BCR: variants seen among roughly 807,000 people sequenced by gnomAD.
BCR encodes breakpoint cluster region protein.
BCR carries 58 observed loss-of-function variants against 138.6 expected under a neutral mutation model. That is an observed-to-expected ratio of 0.42 (90% CI 0.34 to 0.52). The LOEUF is 0.52. Ranked by LOEUF, BCR falls within the 20% of genes least tolerant of loss-of-function variation. The pLI is 0.06. For missense variants in BCR, 1,599 were observed against 1,727.2 expected (o/e 0.93, Z 1.32); for synonymous variants, 786 against 730.1 (o/e 1.08, Z -1.23).
At chr22:23,252,620 T>TA (rs1249008765) in intron 1 of BCR, among the ~76,000 whole-genome samples, 1 of 192 alleles carries the variant, frequency 5.2e-3, no homozygotes, top group African/African-American at 0.023. Flanking sequence ...TTAGTAGAGA[T>TA]GGGGTTCACC....
At chr22:23,254,896 C>T (rs2073275408) in intron 2 of BCR, among the ~76,000 whole-genome samples, 1 of 152,154 alleles carries the variant, frequency 6.6e-6, no homozygotes, top group Non-Finnish European at 1.5e-5. Context: ...GGCATGGTGG[C>T]TCACACCTAT....
At chr22:23,264,631 C>T (rs2073416568) in intron 4 of BCR, 1 of 290,062 alleles carries the variant, frequency 3.4e-6, no homozygotes, top group African/African-American at 2.2e-5. Flanking sequence ...TCTGTTTGGC[C>T]AGAGCAAGGA....
intron 4 of BCR, among the ~76,000 whole-genome samples, chr22:23,266,033 TC>T (rs2073436990): frequency 6.6e-6 from 1 of 152,208 alleles, no homozygotes; most frequent in Admixed American, 6.5e-5. Flanking sequence ...CTAGTCTCCT[TC>T]CATCTGTACC....
chr22:23,194,769 C>T (rs1375051897), intron 1 of BCR, among the ~76,000 whole-genome samples: 1 of 151,762 alleles, frequency 6.6e-6, no homozygotes, highest in East Asian at 1.9e-4. Flanking sequence ...AGCAAGACCC[C>T]ATCTCTACAA....
rs1438437495 is a variant in BCR at position 23,309,192 on chromosome 22, G to A, written c.3013-232G>A. ...CAACTGGGCGGGGCAGAGGGAGGAG[G>A]GGGTGGGGACCCCAGGCAGCAGGGC... On this transcript the variant is annotated intron_variant, in intron 16 of 22. Transcript: ENST00000305877. 2.0e-5 allele frequency among the ~76,000 whole-genome samples: 3 copies of A among 152,310 alleles called. No homozygotes were observed. The East Asian group carries it at 5.8e-4, about 29-fold the overall frequency.
intron 1 of BCR, among the ~76,000 whole-genome samples, chr22:23,187,278 CTTTTT>C (rs3055923): frequency 1.7e-5 from 2 of 114,540 alleles, no homozygotes; most frequent in African/African-American, 6.9e-5. Flanking sequence ...GCTTAAAATA[CTTTTT>C]TTTTTTTTTT....
intron 1 of BCR, among the ~76,000 whole-genome samples, chr22:23,216,536 A>G (rs2072754464): frequency 6.6e-6 from 1 of 152,258 alleles, no homozygotes; most frequent in Non-Finnish European, 1.5e-5. Flanking sequence ...GAACATTGTC[A>G]TAAGTGGAAA....
chr22:23,276,053 C>T (rs1200577866), intron 8 of BCR, among the ~76,000 whole-genome samples: 2 of 152,132 alleles, frequency 1.3e-5, no homozygotes, highest in Non-Finnish European at 1.5e-5. Context: ...CCAACTTCCA[C>T]GCTTACCCAT....
In BCR at chr22:23,206,937, TCATTCCTCCCTCCCTCCCTC is replaced by T. The variant is rs1362739601; in HGVS notation, c.1279+24700_1279+24719del. ...ATCTATTCATCCCTCTGTCATCCAT[TCATTCCTCCCTCCCTCCCTC>T]CCTCCCTCCCTCCCTCCATCCATCC... On this transcript the variant is annotated intron_variant, in intron 1 of 22. Coordinates refer to ENST00000305877, the MANE Select transcript of BCR (RefSeq NM_004327.4). 5.7e-3 allele frequency among the ~76,000 whole-genome samples: 286 copies of T among 50,528 alleles called. 6 individuals are homozygous for T. Among genetic ancestry groups the T allele is most frequent in the Non-Finnish European group, 6.4e-3 (171 of 26,624 alleles). The allele number at this position is 50,528 out of a possible 152,430, so 33.1% of individuals were successfully genotyped here.
chr22:23,230,058 T>C (rs939728431), intron 1 of BCR, among the ~76,000 whole-genome samples: 4 of 151,488 alleles, frequency 2.6e-5, no homozygotes, highest in African/African-American at 9.7e-5. Context: ...GGTTCTTTTT[T>C]TTTTTTCCTC....
At chr22:23,251,807 C>T (rs2073231405) in intron 1 of BCR, among the ~76,000 whole-genome samples, 1 of 152,132 alleles carries the variant, frequency 6.6e-6, no homozygotes, top group African/African-American at 2.4e-5. Context: ...TCCCATGGGC[C>T]TCAAAGTCCC....
At chr22:23,185,067 C>T (rs1486240390) in intron 1 of BCR, among the ~76,000 whole-genome samples, 1 of 152,140 alleles carries the variant, frequency 6.6e-6, no homozygotes, top group Non-Finnish European at 1.5e-5. Flanking sequence ...CTGAAGCCAT[C>T]CCTGGGCACG....
chr22:23,250,260 A>G (rs2073209579), intron 1 of BCR, among the ~76,000 whole-genome samples: 1 of 152,176 alleles, frequency 6.6e-6, no homozygotes, highest in African/African-American at 2.4e-5. Flanking sequence ...TGGGCTCGGA[A>G]AGCACTCAGA....
intron 1 of BCR, among the ~76,000 whole-genome samples, chr22:23,205,661 T>A (rs973479694): frequency 6.6e-6 from 1 of 150,380 alleles, no homozygotes; most frequent in East Asian, 1.9e-4. Context: ...TTTTTTTTTT[T>A]ACTTTACTCT....
chr22:23,259,036 G>C (rs1568958940), intron 2 of BCR, among the ~76,000 whole-genome samples: 1 of 152,256 alleles, frequency 6.6e-6, no homozygotes, highest in African/African-American at 2.4e-5. Context: ...GTGGAGCACT[G>C]AGGTGCTGCC....
Position 23,292,526 on chromosome 22 carries a change from C to A in BCR, c.2783-15C>A. 6.3e-7 allele frequency: 1 copy of A among 1,598,520 alleles called. No homozygotes were observed. Among genetic ancestry groups the A allele is most frequent in the Non-Finnish European group, 8.6e-7 (1 of 1,166,644 alleles). ...AAAGACCTGTGACCTTCTCCATGTC[C>A]ACTTCTCCCCACAGATCTGTACTGC... On this transcript the variant is annotated splice_polypyrimidine_tract_variant and intron_variant, in intron 14 of 22. Transcript: ENST00000305877.
At chr22:23,294,636 T>C (rs1303584578) in intron 15 of BCR, among the ~76,000 whole-genome samples, 2 of 152,216 alleles carry the variant, frequency 1.3e-5, no homozygotes, top group Non-Finnish European at 2.9e-5. Flanking sequence ...TGGTCTCAAG[T>C]GATCTGCCCA....
At chr22:23,253,755 T>C (rs781275452) in intron 1 of BCR, 44 bp from the exon 2 acceptor site, 3 of 1,572,548 alleles carry the variant, frequency 1.9e-6, no homozygotes, top group Non-Finnish European at 2.6e-6. Flanking sequence ...GTATGGATGC[T>C]CCCTTCTCTG....
At chr22:23,289,402 G>A (rs1391655573) in intron 12 of BCR, 115 bp from the exon 13 acceptor site, 1 of 826,994 alleles carries the variant, frequency 1.2e-6, no homozygotes, top group African/African-American at 1.7e-5. Flanking sequence ...CCAAGCCCTG[G>A]CACCAGTTCT....
Sources: allele counts gnomAD v4.1 joint callset (sites outside exome capture counted in the v4.1 genomes callset), GRCh38; gene constraint gnomAD v4.1.1; transcripts MANE v1.5; gene names NCBI Gene and HGNC (gene_info 2026-07-23, HGNC 2026-07-21).